The following ARHGEF26 variants were observed in gnomAD, a reference collection of about 807,000 sequenced individuals.
ARHGEF26 encodes Rho guanine nucleotide exchange factor 26.
ARHGEF26 carries 59 observed loss-of-function variants against 89.4 expected under a neutral mutation model. The ratio of observed to expected loss-of-function variants is 0.66; its 90% CI spans 0.54 to 0.82. ARHGEF26 has a LOEUF of 0.82. Among genes scored for constraint, ARHGEF26 ranks in the 40% least tolerant of loss-of-function variants. The pLI is 0.00. For synonymous variants in ARHGEF26, 500 were observed against 428.4 expected (o/e 1.17, Z -2.06); for missense variants, 1,234 against 1,085.6 (o/e 1.14, Z -1.92).
chr3:154,156,144 A>G (rs1720326301), intron 6 of ARHGEF26, among the ~76,000 whole-genome samples: 1 of 152,052 alleles, frequency 6.6e-6, no homozygotes, highest in Non-Finnish European at 1.5e-5. Context: ...AAAAGGAAAC[A>G]CAAGGAAATG....
rs369724861 is a variant in ARHGEF26, at chr3:154,256,782, T to C, written c.*1309T>C. ...ACCTTTTGACCTTAGTGGGAATTCA[T>C]TCTATTTGCACTAAAAGCCTTAACT... is the stretch of plus-strand genomic sequence containing the variant. On this transcript the variant is annotated 3_prime_UTR_variant, in exon 15 of 15. Transcript: ENST00000465093. The C allele has an allele frequency of 6.8e-6, 10 of 1,472,176 alleles. No individual in the cohort carries two copies. In the East Asian group the frequency reaches 1.0e-4, roughly 15 times the overall value. The allele number at this position is 1,472,176 out of a possible 1,614,324, so 91.2% of individuals were successfully genotyped here. A position where few individuals can be genotyped will look rare whatever the true frequency, so the allele number is the denominator to read the frequency against.
At chr3:154,208,281 C>T (rs531935540) in intron 9 of ARHGEF26, among the ~76,000 whole-genome samples, 2 of 152,308 alleles carry the variant, frequency 1.3e-5, no homozygotes, top group African/African-American at 2.4e-5. Context: ...AAAAACTGGG[C>T]TCAAGTGATC....
At chr3:154,217,988 T>C (rs373654149) in intron 10 of ARHGEF26, 30 bp downstream of exon 10, 425 of 1,530,920 alleles carry the variant, frequency 2.8e-4, no homozygotes, top group Non-Finnish European at 3.5e-4. Context: ...ATTACTGTTC[T>C]TGCCTATGTT....
Position 154,122,558 on chromosome 3 carries a change from C to T in ARHGEF26, c.566C>T (p.Ser189Leu), listed in dbSNP as rs368674648. 84 of 1,613,582 alleles carry T rather than the reference C, an allele frequency of 5.2e-5. No homozygotes were observed. The African/African-American group carries it at 8.9e-4, about 17-fold the overall frequency. Reference sequence around the variant, plus strand: ...AATAACGACTCTCCTGGGTCAGGTTCGCAGTCCGGCCGGAAGGCAAAGGAC... The same window carrying T: ...AATAACGACTCTCCTGGGTCAGGTTTGCAGTCCGGCCGGAAGGCAAAGGAC... The part of the protein sequence containing the change: ...AANNDSPGSG[S>L]QSGRKAKDPE... The change falls in exon 2 of 15, where the codon TCG (serine) becomes TTG (leucine). Residue 189 changes from serine (S) to leucine (L), a missense_variant. Coordinates refer to ENST00000465093, the MANE Select transcript of ARHGEF26 (RefSeq NM_015595.4).
At chr3:154,253,440 C>T (rs560899792) in intron 13 of ARHGEF26, among the ~76,000 whole-genome samples, 1 of 152,272 alleles carries the variant, frequency 6.6e-6, no homozygotes, top group South Asian at 2.1e-4. Flanking sequence ...TAACCATCTG[C>T]AAGTCAGTTA....
At position 154,255,981 on chromosome 3, in the gene ARHGEF26, T is replaced by C. The variant is rs1473138939; in HGVS notation, c.*508T>C. On this transcript the variant is annotated 3_prime_UTR_variant, in exon 15 of 15. Transcript: ENST00000465093. ...ATGCTTCGTTAACTTCAAAAGGAAC[T>C]GGTAGAGTTCAGAAGGTGAGCTGTT... 3.0e-6 allele frequency: 3 copies of C among 985,882 alleles called. No individual in the cohort carries two copies. Among genetic ancestry groups the C allele is most frequent in the Non-Finnish European group, 3.6e-6 (3 of 830,088 alleles). 61.1% of individuals were successfully genotyped at this position (985,882 alleles called of 1,614,324 possible). A position where few individuals can be genotyped will look rare whatever the true frequency, so the allele number is the denominator to read the frequency against.
At chr3:154,225,763 C>A (rs892477887) in intron 10 of ARHGEF26, 93 bp from the exon 11 acceptor site, 38 of 1,337,518 alleles carry the variant, frequency 2.8e-5, no homozygotes, top group Non-Finnish European at 3.4e-5. Flanking sequence ...TGATAAGTAT[C>A]ATTTGTTTGA....
intron 9 of ARHGEF26, among the ~76,000 whole-genome samples, chr3:154,216,492 A>ATTTTTTTATTTTTT (rs1715740411): frequency 1.6e-5 from 2 of 129,010 alleles, no homozygotes; most frequent in Non-Finnish European, 3.3e-5. Flanking sequence ...TTTTTTTTTT[A>ATTTTTTTATTTTTT]TTTTTTTTTA....
In ARHGEF26 at chr3:154,181,107, C is replaced by A. The variant is rs1467157877; in HGVS notation, c.1488-6578C>A. Among the ~76,000 whole-genome samples the A allele has an allele frequency of 2.0e-5, 3 of 152,246 alleles. No individual in the cohort carries two copies. The South Asian group carries it at 6.2e-4, about 32-fold the overall frequency. On this transcript the variant is annotated intron_variant, in intron 6 of 14. Coordinates refer to ENST00000465093, the MANE Select transcript of ARHGEF26 (RefSeq NM_015595.4). ...GTATGTCAAAAGAAACTGACTTCAA[C>A]CTTCAGTGTCAATGTGACCACCAAA...
At chr3:154,158,387 C>T (rs1210460175) in intron 6 of ARHGEF26, among the ~76,000 whole-genome samples, 3 of 152,168 alleles carry the variant, frequency 2.0e-5, no homozygotes, top group Non-Finnish European at 4.4e-5. Context: ...TGTTTTCTAA[C>T]CCTCCTTAAA....
At chr3:154,202,355 T>C (rs1714698609) in intron 9 of ARHGEF26, among the ~76,000 whole-genome samples, 2 of 152,190 alleles carry the variant, frequency 1.3e-5, no homozygotes, top group Admixed American at 6.5e-5. Context: ...TTCTGTTCCC[T>C]TGGTCTATAT....
At chr3:154,231,342 A>G (rs867812900) in intron 11 of ARHGEF26, among the ~76,000 whole-genome samples, 3 of 152,310 alleles carry the variant, frequency 2.0e-5, no homozygotes, top group East Asian at 1.9e-4. Context: ...GAAAGCTGCC[A>G]CTACTGAGAA....
chr3:154,153,610 A>T (rs1234972618), intron 6 of ARHGEF26, among the ~76,000 whole-genome samples: 1 of 151,992 alleles, frequency 6.6e-6, no homozygotes, highest in Non-Finnish European at 1.5e-5. Flanking sequence ...TAAGTTTTGT[A>T]CGTGTAAGTA....
At chr3:154,145,124 G>A (rs1719620003) in intron 4 of ARHGEF26, among the ~76,000 whole-genome samples, 1 of 151,926 alleles carries the variant, frequency 6.6e-6, no homozygotes, top group South Asian at 2.1e-4. Flanking sequence ...GATGTAGTGG[G>A]GTTAAAGAGA....
intron 4 of ARHGEF26, among the ~76,000 whole-genome samples, chr3:154,137,699 A>G (rs751165987): frequency 1.3e-5 from 2 of 151,990 alleles, no homozygotes; most frequent in Non-Finnish European, 2.9e-5. Context: ...ATTTTGGACC[A>G]GGTACAGTGG....
intron 4 of ARHGEF26, among the ~76,000 whole-genome samples, chr3:154,143,388 T>A (rs1007439846): frequency 2.0e-5 from 3 of 152,280 alleles, no homozygotes; most frequent in Admixed American, 2.0e-4. Flanking sequence ...CACCTTTTTT[T>A]AACAGTGTTA....
intron 10 of ARHGEF26, 63 bp from the exon 11 acceptor site, chr3:154,225,793 C>T: frequency 6.6e-7 from 1 of 1,513,152 alleles, no homozygotes. Flanking sequence ...TTAGCTTTTA[C>T]TTTCAGTAAA....
chr3:154,175,150 GCATCCCATT>G (rs1414954841), intron 6 of ARHGEF26, among the ~76,000 whole-genome samples: 1 of 152,112 alleles, frequency 6.6e-6, no homozygotes, highest in African/African-American at 2.4e-5. Flanking sequence ...AAATGTGATG[GCATCCCATT>G]CATCTTGTAT....
intron 10 of ARHGEF26, 46 bp downstream of exon 10, chr3:154,218,004 C>G: frequency 6.7e-7 from 1 of 1,495,600 alleles, no homozygotes; most frequent in Non-Finnish European, 9.1e-7. Context: ...ATGTTTTTCT[C>G]TAAATAGAGA....
Sources: allele counts gnomAD v4.1 joint callset (sites outside exome capture counted in the v4.1 genomes callset), GRCh38; gene constraint gnomAD v4.1.1; transcripts MANE v1.5; gene names NCBI Gene and HGNC (gene_info 2026-07-23, HGNC 2026-07-21).